The following GAP43 variants were observed in gnomAD, a reference collection of about 807,000 sequenced individuals.
GAP43 encodes neuromodulin.
Under a neutral mutation model 18.6 loss-of-function variants are expected in GAP43, and 6 were observed. That is an observed-to-expected ratio of 0.32 (90% confidence interval 0.18 to 0.64). The LOEUF (loss-of-function observed/expected upper bound fraction) is 0.64. GAP43 is among the 30% of genes least tolerant of loss of function. The pLI is 0.78. For missense variants in GAP43, 292 were observed against 295.5 expected (o/e 0.99, Z 0.09); for synonymous variants, 115 against 111.4 (o/e 1.03, Z -0.20).
At position 115,690,197 on chromosome 3, in the gene GAP43, C is replaced by T. The variant is rs889562141; in HGVS notation, c.628+13587C>T. 1.1e-4 allele frequency among the ~76,000 whole-genome samples: 16 copies of T among 152,314 alleles called. No homozygotes were observed. In the South Asian group the frequency reaches 3.1e-3, roughly 30 times the overall value. Reference sequence around the variant, plus strand: ...GAGCAGATCTAAGTGGCAGATGGGGCACAGCTCCCCTAGGAGAGACCCCCC... The same window carrying T: ...GAGCAGATCTAAGTGGCAGATGGGGTACAGCTCCCCTAGGAGAGACCCCCC... On this transcript the variant is annotated intron_variant, in intron 2 of 2. Transcript: ENST00000305124.
intron 2 of GAP43, among the ~76,000 whole-genome samples, chr3:115,704,561 T>C (rs751699935): frequency 3.3e-5 from 5 of 152,212 alleles, no homozygotes; most frequent in Non-Finnish European, 5.9e-5. Flanking sequence ...CTCCAGAGTA[T>C]CTAAAATTAC....
intron 2 of GAP43, among the ~76,000 whole-genome samples, chr3:115,688,246 TGGCCTCAAGTGATCCACCCACCTC>T (rs1709060117): frequency 6.6e-6 from 1 of 152,100 alleles, no homozygotes; most frequent in Non-Finnish European, 1.5e-5. Flanking sequence ...CTCAAGCTCC[TGGCCTCAAGTGATCCACCCACCTC>T]GGCCTCCCAA....
chr3:115,632,277 G>T (rs989966188), intron 1 of GAP43, among the ~76,000 whole-genome samples: 3 of 152,032 alleles, frequency 2.0e-5, no homozygotes, highest in Admixed American at 2.0e-4. Flanking sequence ...AAAATGCAGG[G>T]CTGGTTGGGA....
At chr3:115,692,898 T>C (rs929141251) in intron 2 of GAP43, among the ~76,000 whole-genome samples, 1 of 152,226 alleles carries the variant, frequency 6.6e-6, no homozygotes, top group African/African-American at 2.4e-5. Context: ...ACTGAGTTTT[T>C]GGTCATATTC....
chr3:115,714,951 T>G (rs1035198740), intron 2 of GAP43, among the ~76,000 whole-genome samples: 10 of 152,086 alleles, frequency 6.6e-5, no homozygotes, highest in African/African-American at 2.4e-4. Context: ...CTAGGTGGCT[T>G]ATAAACAACA....
chr3:115,681,074 A>T (rs1307598531), intron 2 of GAP43, among the ~76,000 whole-genome samples: 1 of 152,210 alleles, frequency 6.6e-6, no homozygotes, highest in Non-Finnish European at 1.5e-5. Context: ...AAGTCCATAA[A>T]TGCTGTTTAT....
chr3:115,661,614 G>C (rs546807659), intron 1 of GAP43, among the ~76,000 whole-genome samples: 1 of 151,944 alleles, frequency 6.6e-6, no homozygotes. Flanking sequence ...TCAGCCTCCC[G>C]AGTAGCCGGG....
intron 1 of GAP43, chr3:115,663,693 C>T (rs1009494533): frequency 7.8e-5 from 116 of 1,496,056 alleles, no homozygotes; most frequent in Non-Finnish European, 1.0e-4. Context: ...AAAGAGATCT[C>T]AAAACAGGAA....
At chr3:115,698,212 AAAT>A (rs1709240675) in intron 2 of GAP43, among the ~76,000 whole-genome samples, 2 of 16,588 alleles carry the variant, frequency 1.2e-4, no homozygotes, top group Non-Finnish European at 2.4e-4. Flanking sequence ...ATATTATATA[AAAT>A]ATATAATATA....
intron 1 of GAP43, among the ~76,000 whole-genome samples, chr3:115,625,413 A>G (rs111237220): frequency 1.3e-5 from 2 of 152,112 alleles, no homozygotes; most frequent in Non-Finnish European, 2.9e-5. Context: ...ATTTTAATAT[A>G]TAAATGTAAT....
Position 115,644,437 on chromosome 3 carries a change from C to T in GAP43, c.30+20718C>T, listed in dbSNP as rs546927022. Among the ~76,000 whole-genome samples the T allele has an allele frequency of 2.0e-5, 3 of 152,012 alleles. No homozygotes were observed. The highest frequency in any genetic ancestry group is 2.1e-4 in the South Asian group (1 of 4,816). On this transcript the variant is annotated intron_variant, in intron 1 of 2. Transcript: ENST00000305124. The surrounding 1 kb of genome is among the most constrained non-coding windows in gnomAD (Gnocchi z 4.2). ...AAACCTGTAGCAATAAGTCAGTCAC[C>T]GTGAAGCATTCTAAGCACTGAATAA...
intron 1 of GAP43, among the ~76,000 whole-genome samples, chr3:115,669,412 G>A (rs180682541): frequency 6.6e-4 from 101 of 152,302 alleles, no homozygotes; most frequent in Middle Eastern, 6.8e-3. Context: ...GAGATGCTCA[G>A]ATTTTGGATT....
chr3:115,671,787 TTAGCCATTAGA>T (rs1708817519), intron 1 of GAP43, among the ~76,000 whole-genome samples: 1 of 152,226 alleles, frequency 6.6e-6, no homozygotes, highest in Non-Finnish European at 1.5e-5. Flanking sequence ...AGCTGACTTT[TTAGCCATTAGA>T]TAGCAGGATT....
Position 115,676,006 on chromosome 3 carries a change from G to C in GAP43, c.31-7G>C, listed in dbSNP as rs370921978. On this transcript the variant is annotated splice_region_variant and splice_polypyrimidine_tract_variant and intron_variant, in intron 1 of 2. Transcript: ENST00000305124. Reference sequence around the variant, plus strand: ...GCCCTCTCTTTTCCCTTCTTTTCTCGACAAAGGTTGAAAAAAATGATGACG... The same window carrying C: ...GCCCTCTCTTTTCCCTTCTTTTCTCCACAAAGGTTGAAAAAAATGATGACG... 4 of 1,590,212 alleles carry C rather than the reference G, an allele frequency of 2.5e-6. No individual in the cohort carries two copies. Among genetic ancestry groups the C allele is most frequent in the African/African-American group, 2.7e-5 (2 of 73,328 alleles).
Position 115,699,966 on chromosome 3 carries a change from A to G in GAP43, c.629-20828A>G, listed in dbSNP as rs141640931. ...AATTACATGCCTGTAGTATTACTAG[A>G]CAGGAAACTATGCAGTGGGATACAG... On this transcript the variant is annotated intron_variant, in intron 2 of 2. Transcript: ENST00000305124. Among the ~76,000 whole-genome samples the G allele has an allele frequency of 2.4e-4, 36 of 152,264 alleles. No individual in the cohort carries two copies. In the East Asian group the frequency reaches 6.2e-3, roughly 26 times the overall value.
intron 2 of GAP43, among the ~76,000 whole-genome samples, chr3:115,709,740 T>C (rs1340254346): frequency 6.6e-6 from 1 of 152,096 alleles, no homozygotes; most frequent in African/African-American, 2.4e-5. Flanking sequence ...GAAAAAAGGT[T>C]ATTACTGGAT....
intron 1 of GAP43, among the ~76,000 whole-genome samples, chr3:115,646,042 A>G (rs548848484): frequency 6.6e-6 from 1 of 152,238 alleles, no homozygotes; most frequent in South Asian, 2.1e-4. Context: ...AAAATTTAAA[A>G]TATACTCCTA....
intron 2 of GAP43, among the ~76,000 whole-genome samples, chr3:115,684,663 G>GTCGT (rs1409599859): frequency 6.6e-6 from 1 of 152,158 alleles, no homozygotes; most frequent in Non-Finnish European, 1.5e-5. Context: ...AAGAGTAATG[G>GTCGT]TCGTTTCTCG....
intron 1 of GAP43, among the ~76,000 whole-genome samples, chr3:115,645,319 T>C (rs1484945595): frequency 6.6e-6 from 1 of 152,032 alleles, no homozygotes; most frequent in Non-Finnish European, 1.5e-5. Flanking sequence ...ATGCTACTCA[T>C]TTAATACAAT....
Sources: allele counts gnomAD v4.1 joint callset (sites outside exome capture counted in the v4.1 genomes callset), GRCh38; gene constraint gnomAD v4.1.1; non-coding constraint Gnocchi (gnomAD v3.1); transcripts MANE v1.5; gene names NCBI Gene and HGNC (gene_info 2026-07-23, HGNC 2026-07-21).